The following INPP5B variants were observed in gnomAD, a reference collection of about 807,000 sequenced individuals.
INPP5B encodes the protein inositol polyphosphate-5-phosphatase B.
INPP5B carries 90 observed loss-of-function variants against 118.5 expected under a neutral mutation model. The ratio of observed to expected loss-of-function variants is 0.76; its 90% CI spans 0.64 to 0.90. The LOEUF is 0.90. Among genes scored for constraint, INPP5B ranks in the 40% least tolerant of loss-of-function variants. The pLI is 0.00. For synonymous variants in INPP5B, 385 were observed against 418.9 expected, an observed-to-expected ratio of 0.92 and a Z score of 0.99; for missense variants, 984 against 1,125.6, an observed-to-expected ratio of 0.87 and a Z score of 1.80.
intron 6 of INPP5B, among the ~76,000 whole-genome samples, chr1:37,935,880 C>T (rs1328001682): frequency 6.6e-6 from 1 of 151,794 alleles, no homozygotes; most frequent in Non-Finnish European, 1.5e-5. Flanking sequence ...TTCTGGCTAA[C>T]ATGGTGAAAC....
chr1:37,933,443 G>C (rs573968785), intron 6 of INPP5B, among the ~76,000 whole-genome samples: 22 of 152,306 alleles, frequency 1.4e-4, no homozygotes, highest in Admixed American at 4.6e-4. Context: ...AGCTACTCGG[G>C]AGGCTGAGGC....
Position 37,865,853 on chromosome 1 carries a change from G to C in INPP5B, c.2422C>G (p.Leu808Val). 6.2e-7 allele frequency: 1 copy of C among 1,613,744 alleles called. No homozygotes were observed. Among genetic ancestry groups the C allele is most frequent in the Non-Finnish European group, 8.5e-7 (1 of 1,179,746 alleles). The stretch of plus-strand genomic sequence containing the variant: ...GGCTCTGGAAGGCTCTCCAGGAAAA[G>C]CAGCAGGGCTTCGGCTACAGAATGA... ...SNHSVAEALL[L>V]FLESLPEPVI... Residue 808 changes from leucine (L) to valine (V), a missense_variant, in exon 22 of 24, where the codon CTT becomes GTT. This residue lies in a region of INPP5B where 634 missense variants were observed against 791.0 expected (regional missense o/e 0.80). Transcript: ENST00000373024.
chr1:37,924,036 C>T (rs1265143943), intron 7 of INPP5B, among the ~76,000 whole-genome samples: 1 of 152,020 alleles, frequency 6.6e-6, no homozygotes, highest in African/African-American at 2.4e-5. Flanking sequence ...CCTCAGCCTC[C>T]CAAAGTGCTG....
chr1:37,931,450 T>A, intron 7 of INPP5B: 1 of 1,527,054 alleles, frequency 6.5e-7, no homozygotes, highest in Admixed American at 2.0e-5. Context: ...AGCCTCCGGA[T>A]TCCCAAGTAC....
chr1:37,873,366 A>G (rs1347401877), intron 18 of INPP5B: 2 of 580,384 alleles, frequency 3.4e-6, no homozygotes, highest in Non-Finnish European at 6.1e-6. Context: ...GAATATGAAA[A>G]CAACAAACAA....
chr1:37,946,377 A>C, intron 1 of INPP5B, 43 bp from the exon 2 acceptor site: 1 of 1,469,330 alleles, frequency 6.8e-7, no homozygotes, highest in Non-Finnish European at 9.3e-7. Flanking sequence ...TCAACAAGTT[A>C]CGCATGGGGT....
intron 19 of INPP5B, among the ~76,000 whole-genome samples, chr1:37,869,697 G>A (rs920094293): frequency 6.7e-6 from 1 of 149,904 alleles, no homozygotes; most frequent in Non-Finnish European, 1.5e-5. Context: ...GGCCAGGCTG[G>A]TCTCAAACTT....
Position 37,882,869 on chromosome 1 carries a change from C to T in INPP5B, c.1369G>A (p.Val457Met), listed in dbSNP as rs961236893. 3.7e-6 allele frequency: 6 copies of T among 1,613,974 alleles called. No individual in the cohort carries two copies. The highest frequency in any genetic ancestry group is 4.2e-6 in the Non-Finnish European group (5 of 1,180,004). The change falls in exon 14 of 24, where the codon GTG becomes ATG. Residue 457 changes from valine (V) to methionine (M), a missense_variant. Physicochemically the swap from Val to Met is conservative, Grantham distance 21 (BLOSUM62 1). Coordinates refer to ENST00000373024, the MANE Select transcript of INPP5B (RefSeq NM_005540.3). Reference protein sequence around the residue: ...DLNYRIEELDVEKVKKLIEEK... With the variant: ...DLNYRIEELDMEKVKKLIEEK... Reference sequence around the variant, plus strand: ...TCGATGAGCTTTTTCACTTTTTCCACATCCAGCTCTTCTATCCTGTAGTTG... The same window carrying T: ...TCGATGAGCTTTTTCACTTTTTCCATATCCAGCTCTTCTATCCTGTAGTTG...
chr1:37,945,148 A>G (rs1264221234), intron 3 of INPP5B, among the ~76,000 whole-genome samples: 5 of 151,486 alleles, frequency 3.3e-5, no homozygotes, highest in Non-Finnish European at 7.4e-5. Context: ...AGATCATGTG[A>G]GGCTGGGCAC....
intron 6 of INPP5B, among the ~76,000 whole-genome samples, chr1:37,934,432 G>A (rs1416409894): frequency 6.6e-6 from 1 of 152,162 alleles, no homozygotes; most frequent in Non-Finnish European, 1.5e-5. Context: ...AGCTAACTGT[G>A]ATCTCTTGTT....
At position 37,884,678 on chromosome 1, in the gene INPP5B, G is replaced by A. The variant is rs1320135838; in HGVS notation, c.1319+960C>T. ...ATACTGAAAAAACAAATGGCCGGGCGTGGTGGCTCATGCCTGTAATCCCAG... is the reference window on the plus strand; with the variant it reads ...ATACTGAAAAAACAAATGGCCGGGCATGGTGGCTCATGCCTGTAATCCCAG... On this transcript the variant is annotated intron_variant, in intron 13 of 23. Coordinates refer to ENST00000373024, the MANE Select transcript of INPP5B (RefSeq NM_005540.3). 3.3e-5 allele frequency among the ~76,000 whole-genome samples: 5 copies of A among 152,026 alleles called. No individual in the cohort carries two copies. In the East Asian group the frequency reaches 5.8e-4, roughly 18 times the overall value.
intron 6 of INPP5B, among the ~76,000 whole-genome samples, chr1:37,933,419 G>A (rs992169464): frequency 3.0e-4 from 46 of 152,200 alleles, no homozygotes; most frequent in African/African-American, 6.7e-4. Flanking sequence ...ATGGTGGCAT[G>A]CGCCTGTAGT....
intron 13 of INPP5B, among the ~76,000 whole-genome samples, chr1:37,884,769 G>A (rs544113364): frequency 6.6e-6 from 1 of 151,922 alleles, no homozygotes; most frequent in African/African-American, 2.4e-5. Context: ...GGCCAACATG[G>A]TGAAACCCCA....
chr1:37,940,858 C>T, intron 5 of INPP5B, 60 bp from the exon 6 acceptor site: 2 of 1,201,544 alleles, frequency 1.7e-6, no homozygotes, highest in Non-Finnish European at 2.4e-6. Flanking sequence ...CTTGATGCAG[C>T]CTAAGCCTGA....
At chr1:37,901,106 G>A (rs754180743) in intron 7 of INPP5B, among the ~76,000 whole-genome samples, 1 of 152,166 alleles carries the variant, frequency 6.6e-6, no homozygotes, top group Non-Finnish European at 1.5e-5. Flanking sequence ...CACCACGCCC[G>A]ACCTGATATT....
rs1376308669 is a variant in INPP5B, at chr1:37,890,344, T to C, written c.630-620A>G. The stretch of plus-strand genomic sequence containing the variant: ...GACTGGGTGACAAAGTGAGACTCTG[T>C]CTCAAAAGAAAAAAAAAGAAAAAAA... On this transcript the variant is annotated intron_variant, in intron 8 of 23. Transcript: ENST00000373024. 3.3e-5 allele frequency among the ~76,000 whole-genome samples: 5 copies of C among 149,586 alleles called. No homozygotes were observed. The East Asian group carries it at 9.8e-4, about 29-fold the overall frequency.
intron 2 of INPP5B, 95 bp from the exon 3 acceptor site, chr1:37,945,945 T>G (rs991847669): frequency 9.9e-5 from 115 of 1,156,344 alleles, no homozygotes; most frequent in Admixed American, 1.6e-4. Flanking sequence ...CCCCCCAGAT[T>G]CACTGTGTGG....
At chr1:37,873,933 A>G in intron 18 of INPP5B, 60 bp downstream of exon 18, 1 of 1,310,020 alleles carries the variant, frequency 7.6e-7, no homozygotes, top group Non-Finnish European at 1.0e-6. Context: ...GAAAATGAGC[A>G]AATATAGAGT....
rs1646061907 is a variant in INPP5B at position 37,944,843 on chromosome 1, T to C, written c.152+913A>G. Among the ~76,000 whole-genome samples the C allele has an allele frequency of 2.0e-5, 3 of 152,076 alleles. No individual in the cohort carries two copies. The South Asian group carries it at 6.2e-4, about 31-fold the overall frequency. On this transcript the variant is annotated intron_variant, in intron 3 of 23. Coordinates refer to ENST00000373024, the MANE Select transcript of INPP5B (RefSeq NM_005540.3). ...TATGTTGCCCAAGCTGGTCTCGAAC[T>C]CCTAGGCTCAAGCAATCTTCCTGCC...
Sources: gnomAD v4.1 joint callset for allele counts (sites outside exome capture counted in the v4.1 genomes callset) on GRCh38, gnomAD v4.1.1 for gene constraint, gnomAD v4.1.1 regional missense constraint, MANE v1.5 for transcripts, NCBI Gene and HGNC (gene_info 2026-07-23, HGNC 2026-07-21) for gene names.